The following RALGAPB variants were observed in gnomAD, a reference collection of about 807,000 sequenced individuals.
RALGAPB encodes ral GTPase-activating protein subunit beta.
Under a neutral mutation model 161.1 loss-of-function variants are expected in RALGAPB, and 25 were observed. The observed-to-expected ratio is 0.16, with a 90% CI of 0.11 to 0.22. RALGAPB has a LOEUF of 0.22. RALGAPB is among the 10% of genes least tolerant of loss of function. RALGAPB has a pLI of 1.00. For missense variants in RALGAPB, 1,391 were observed against 1,815.2 expected (o/e 0.77, Z 4.25); for synonymous variants, 629 against 626.1 (o/e 1.00, Z -0.07).
Position 38,534,679 on chromosome 20 carries a change from G to A in RALGAPB, c.2246-395G>A, listed in dbSNP as rs576082312. Among the ~76,000 whole-genome samples, 412 of 152,332 alleles carry A rather than the reference G, an allele frequency of 2.7e-3. 3 individuals carry two copies. Among genetic ancestry groups the A allele is most frequent in the Non-Finnish European group, 5.0e-3 (339 of 68,036 alleles). On this transcript the variant is annotated intron_variant, in intron 15 of 29. Coordinates refer to ENST00000262879, the MANE Select transcript of RALGAPB (RefSeq NM_020336.4). ...TTCAGAGTAATTCCTAGCATCTGAG[G>A]AGGCCGTAAAATTAGAACTTTCCTC...
intron 3 of RALGAPB, among the ~76,000 whole-genome samples, chr20:38,494,546 G>T (rs555140359): frequency 4.3e-4 from 66 of 152,274 alleles, no homozygotes; most frequent in South Asian, 6.2e-4. Context: ...CAGGAGAATC[G>T]CTTGAATCTG....
At chr20:38,505,097 C>T (rs2085720260) in intron 5 of RALGAPB, among the ~76,000 whole-genome samples, 1 of 152,100 alleles carries the variant, frequency 6.6e-6, no homozygotes, top group Non-Finnish European at 1.5e-5. Context: ...CAAAAGAAAA[C>T]AAATTGTTCT....
chr20:38,482,424 A>AAC (rs1434562997), intron 1 of RALGAPB, among the ~76,000 whole-genome samples: 6 of 81,396 alleles, frequency 7.4e-5, no homozygotes, highest in African/African-American at 2.1e-4. Context: ...CTGTATGTTT[A>AAC]TCTTTTTTTT....
At chr20:38,532,590 C>T (rs2086687605) in intron 14 of RALGAPB, 140 bp from the exon 15 acceptor site, 2 of 1,032,454 alleles carry the variant, frequency 1.9e-6, no homozygotes, top group Non-Finnish European at 2.8e-6. Flanking sequence ...GTTTTAATCC[C>T]TTGTCAATTT....
intron 10 of RALGAPB, among the ~76,000 whole-genome samples, chr20:38,523,992 G>C (rs1278042721): frequency 2.6e-5 from 4 of 152,178 alleles, no homozygotes; most frequent in Non-Finnish European, 5.9e-5. Flanking sequence ...TAGGGAGAGA[G>C]ATAGATTGAA....
chr20:38,553,698 G>A (rs1292298232), intron 21 of RALGAPB, among the ~76,000 whole-genome samples, 169 bp from the exon 22 acceptor site: 1 of 134,974 alleles, frequency 7.4e-6, no homozygotes. Context: ...TGTAATCCCA[G>A]CACTTTGGGA....
chr20:38,531,273 G>T (rs913576935), intron 14 of RALGAPB, 42 bp downstream of exon 14: 1 of 1,464,876 alleles, frequency 6.8e-7, no homozygotes, highest in Admixed American at 1.7e-5. Flanking sequence ...TATCACTTTT[G>T]AATTTCATGT....
intron 15 of RALGAPB, 101 bp downstream of exon 15, chr20:38,532,960 A>G: frequency 7.6e-7 from 1 of 1,317,420 alleles, no homozygotes; most frequent in Non-Finnish European, 1.0e-6. Context: ...CATGTTTTTT[A>G]TATACTTAAG....
intron 1 of RALGAPB, among the ~76,000 whole-genome samples, chr20:38,486,651 G>C (rs551952450): frequency 6.6e-6 from 1 of 151,582 alleles, no homozygotes; most frequent in South Asian, 2.1e-4. Context: ...CTTAAAATCT[G>C]TTTTCTTCCA....
rs147400944 is a variant in RALGAPB at position 38,537,918 on chromosome 20, A to G, written c.2380-1858A>G. The G allele has an allele frequency of 6.8e-3, 1,036 of 152,422 alleles. 4 individuals are homozygous for G. The highest frequency in any genetic ancestry group is 0.02 in the Middle Eastern group (6 of 294). 9.4% of individuals were successfully genotyped at this position (152,422 alleles called of 1,614,324 possible). On this transcript the variant is annotated intron_variant, in intron 16 of 29. Transcript: ENST00000262879. ...ATCACTACCTTAGCCTCCAGGATGC[A>G]GAGTGTTCTTGGTGAAAAGAACCAC...
At chr20:38,493,774 A>C (rs2085339441) in intron 3 of RALGAPB, among the ~76,000 whole-genome samples, 1 of 152,216 alleles carries the variant, frequency 6.6e-6, no homozygotes, top group Admixed American at 6.5e-5. Flanking sequence ...ATTACTTTGG[A>C]AAATCTGAAT....
chr20:38,501,282 C>T (rs1020865866), intron 5 of RALGAPB, among the ~76,000 whole-genome samples: 1 of 152,082 alleles, frequency 6.6e-6, no homozygotes, highest in Admixed American at 6.5e-5. Context: ...GTTAAATTTG[C>T]GCTTGCCTTG....
intron 19 of RALGAPB, 49 bp from the exon 20 acceptor site, chr20:38,548,640 A>C (rs2087255597): frequency 7.1e-7 from 1 of 1,410,918 alleles, no homozygotes. Context: ...GTTTATTTTA[A>C]ATGGTTGTTG....
intron 13 of RALGAPB, 22 bp from the exon 14 acceptor site, chr20:38,531,145 T>C: frequency 7.0e-6 from 11 of 1,563,092 alleles, no homozygotes; most frequent in Non-Finnish European, 8.8e-6. Context: ...TTATATAAAA[T>C]ACTGTTTTAT....
intron 2 of RALGAPB, among the ~76,000 whole-genome samples, chr20:38,490,400 G>C (rs2085245639): frequency 6.7e-6 from 1 of 149,822 alleles, no homozygotes; most frequent in African/African-American, 2.5e-5. Flanking sequence ...AGTAGGGACA[G>C]AGTTTCACCG....
intron 26 of RALGAPB, 138 bp downstream of exon 26, chr20:38,567,370 A>G (rs1220714867): frequency 8.2e-7 from 1 of 1,214,182 alleles, no homozygotes; most frequent in Non-Finnish European, 1.1e-6. Flanking sequence ...TTTTTAAAAT[A>G]AAATTCTCAC....
chr20:38,476,677 C>A (rs746379264), intron 1 of RALGAPB, among the ~76,000 whole-genome samples: 3 of 152,130 alleles, frequency 2.0e-5, no homozygotes, highest in Non-Finnish European at 4.4e-5. Flanking sequence ...TTGAGAAGAT[C>A]GTAAGCCAAA....
intron 18 of RALGAPB, among the ~76,000 whole-genome samples, chr20:38,543,986 T>C (rs2087066948): frequency 6.6e-6 from 1 of 152,190 alleles, no homozygotes; most frequent in Non-Finnish European, 1.5e-5. Context: ...GCTGAACACG[T>C]AGTAGAAAAT....
At chr20:38,553,793 A>T in intron 21 of RALGAPB, 74 bp from the exon 22 acceptor site, 1 of 864,444 alleles carries the variant, frequency 1.2e-6, no homozygotes, top group Non-Finnish European at 1.7e-6. Flanking sequence ...AAAAAAAAAA[A>T]AAAAAAAACA....
Sources: allele counts gnomAD v4.1 joint callset (sites outside exome capture counted in the v4.1 genomes callset), GRCh38; gene constraint gnomAD v4.1.1; transcripts MANE v1.5; gene names NCBI Gene and HGNC (gene_info 2026-07-23, HGNC 2026-07-21).